The following P2RX7 variants were observed in gnomAD, a reference collection of about 807,000 sequenced individuals.
P2RX7 encodes the protein purinergic receptor P2X 7.
P2RX7 carries 62 observed loss-of-function variants against 71.6 expected under a neutral mutation model. That is an observed-to-expected ratio of 0.87 (90% confidence interval 0.71 to 1.07). The LOEUF is 1.07. P2RX7 is among the 50% of genes least tolerant of loss of function. The probability of loss-of-function intolerance (pLI) is 0.00; values close to 1 mark genes in which losing one functional copy is unlikely to be tolerated. For synonymous variants in P2RX7, 299 were observed against 283.3 expected (o/e 1.06, Z -0.56); for missense variants, 686 against 748.5 (o/e 0.92, Z 0.97).
intron 11 of P2RX7, among the ~76,000 whole-genome samples, chr12:121,179,610 C>T (rs1883781522): frequency 6.6e-6 from 1 of 152,056 alleles, no homozygotes; most frequent in Non-Finnish European, 1.5e-5. Context: ...TATATGCATT[C>T]ACAATTTGAA....
At chr12:121,163,529 G>T (rs1275194948) in intron 5 of P2RX7, among the ~76,000 whole-genome samples, 1 of 152,006 alleles carries the variant, frequency 6.6e-6, no homozygotes, top group Non-Finnish European at 1.5e-5. Context: ...CTGAATTTTT[G>T]AAAGAGATGA....
intron 11 of P2RX7, among the ~76,000 whole-genome samples, chr12:121,178,978 TAC>T (rs142401513): frequency 6.0e-5 from 9 of 150,800 alleles, no homozygotes; most frequent in East Asian, 1.9e-4. Flanking sequence ...TACACAAGTG[TAC>T]ACACACACAC....
At position 121,154,661 on chromosome 12, in the gene P2RX7, C is replaced by T. The variant is rs1187036071; in HGVS notation, c.126-124C>T. On this transcript the variant is annotated intron_variant, in intron 1 of 12. Coordinates refer to ENST00000328963, the MANE Select transcript of P2RX7 (RefSeq NM_002562.6). This position sits in a 1 kb window ranked among gnomAD's most constrained non-coding sequence, Gnocchi z 4.2. ...CATTATCCAGAGAGGGAAAACAAGT[C>T]ACACGGAAGCAAGTCACGCAGCAGA... is the stretch of plus-strand genomic sequence containing the variant. The T allele has an allele frequency of 5.5e-6, 4 of 728,966 alleles. No individual in the cohort carries two copies. The highest frequency in any genetic ancestry group is 1.7e-5 in the African/African-American group (1 of 58,222). The allele number at this position is 728,966 out of a possible 1,614,324, so 45.2% of individuals were successfully genotyped here. A position where few individuals can be genotyped will look rare whatever the true frequency, so the allele number is the denominator to read the frequency against.
chr12:121,186,947 CTG>C lies in P2RX7; in HGVS notation c.*2147_*2148del, dbSNP rs1403000343. 2 of 152,240 alleles carry C rather than the reference CTG, an allele frequency of 1.3e-5. No homozygotes were observed. The highest frequency in any genetic ancestry group is 2.1e-4 in the South Asian group (1 of 4,830). The allele number at this position is 152,240 out of a possible 1,614,324, so 9.4% of individuals were successfully genotyped here. A position where few individuals can be genotyped will look rare whatever the true frequency, so the allele number is the denominator to read the frequency against. ...AAGCTGGCTTTATGCCATTAACACT[CTG>C]TACTTTGCAGCCAATCAGAACTGAC... On this transcript the variant is annotated 3_prime_UTR_variant, in exon 13 of 13. Transcript: ENST00000328963.
chr12:121,135,891 C>T (rs963613477), intron 1 of P2RX7, among the ~76,000 whole-genome samples: 1 of 148,692 alleles, frequency 6.7e-6, no homozygotes, highest in Non-Finnish European at 1.5e-5. Flanking sequence ...GTAATCCCAG[C>T]TACTCGGGAG....
chr12:121,177,281 T>G lies in P2RX7; in HGVS notation c.1039-16T>G. ...AAGGAAGTGACTAACGCAGCGCTTG[T>G]CTGCATTCTCCCCAGGCCGCTGTGT... On this transcript the variant is annotated splice_polypyrimidine_tract_variant and intron_variant, in intron 10 of 12. Coordinates refer to ENST00000328963, the MANE Select transcript of P2RX7 (RefSeq NM_002562.6). 6.2e-7 allele frequency: 1 copy of G among 1,614,138 alleles called. No individual in the cohort carries two copies. Among genetic ancestry groups the G allele is most frequent in the East Asian group, 2.2e-5 (1 of 44,894 alleles).
chr12:121,178,417 T>C (rs1017576894), intron 11 of P2RX7, among the ~76,000 whole-genome samples: 3 of 152,214 alleles, frequency 2.0e-5, no homozygotes, highest in Admixed American at 1.3e-4. Context: ...ATTAACTCAA[T>C]CTTCACAACA....
At chr12:121,170,723 G>A (rs948271091) in intron 8 of P2RX7, among the ~76,000 whole-genome samples, 4 of 152,082 alleles carry the variant, frequency 2.6e-5, no homozygotes, top group East Asian at 3.9e-4. Context: ...GCAGTGAGCC[G>A]GGGTCATGCC....
At chr12:121,172,280 AGAT>A (rs1048658091) in intron 8 of P2RX7, among the ~76,000 whole-genome samples, 47 of 152,320 alleles carry the variant, frequency 3.1e-4, no homozygotes, top group African/African-American at 1.1e-3. Context: ...TCACATAGGG[AGAT>A]AATGCCAATC....
chr12:121,156,765 C>G (rs1878655514), intron 3 of P2RX7, among the ~76,000 whole-genome samples: 1 of 152,192 alleles, frequency 6.6e-6, no homozygotes, highest in African/African-American at 2.4e-5. Context: ...CCATGACTCC[C>G]TGCCACCACC....
chr12:121,153,722 G>A lies in P2RX7; in HGVS notation c.126-1063G>A, dbSNP rs370874276. On this transcript the variant is annotated intron_variant, in intron 1 of 12. Coordinates refer to ENST00000328963, the MANE Select transcript of P2RX7 (RefSeq NM_002562.6). ...AACCCTTTAGGCTGGGTGCGGTGGC[G>A]CATGCCGGTAATCCTGGTAACTATC... is the stretch of plus-strand genomic sequence containing the variant. 9.4e-4 allele frequency among the ~76,000 whole-genome samples: 143 copies of A among 151,946 alleles called. 1 individual carries two copies. The highest frequency in any genetic ancestry group is 3.4e-3 in the African/African-American group (140 of 41,440).
At chr12:121,157,350 C>G (rs1410312147) in intron 3 of P2RX7, among the ~76,000 whole-genome samples, 1 of 152,210 alleles carries the variant, frequency 6.6e-6, no homozygotes, top group Non-Finnish European at 1.5e-5. Flanking sequence ...ACAGTCTTTG[C>G]CATCATTTGT....
intron 1 of P2RX7, among the ~76,000 whole-genome samples, chr12:121,151,502 T>C (rs2136029138): frequency 6.6e-6 from 1 of 152,254 alleles, no homozygotes; most frequent in Non-Finnish European, 1.5e-5. Flanking sequence ...ATTACAGGCA[T>C]GAGCCACCAT....
At chr12:121,182,968 G>C (rs1380479866) in intron 12 of P2RX7, among the ~76,000 whole-genome samples, 1 of 152,046 alleles carries the variant, frequency 6.6e-6, no homozygotes. Flanking sequence ...ACAAGATCAG[G>C]AGATTGAGAC....
rs201776965 is a variant in P2RX7 at position 121,184,657 on chromosome 12, G to A, written c.1643G>A (p.Cys548Tyr). 8.1e-6 allele frequency: 13 copies of A among 1,595,680 alleles called. No individual in the cohort carries two copies. In the South Asian group the frequency reaches 1.4e-4, roughly 17 times the overall value. ...TCCACCAACAGCCGGCTGCGGCACT[G>A]TGCCTACAGGTGCTACGCCACCTGG... The part of the protein sequence containing the change: ...VDSTNSRLRH[C>Y]AYRCYATWRF... The change falls in exon 13 of 13, where the codon TGT becomes TAT. Residue 548 changes from cysteine (C) to tyrosine (Y), a missense_variant. Coordinates refer to ENST00000328963, the MANE Select transcript of P2RX7 (RefSeq NM_002562.6).
In P2RX7 at chr12:121,149,091, C is replaced by G. The variant is rs56122521; in HGVS notation, c.126-5694C>G. The G allele has an allele frequency of 1.7e-6, 1 of 578,732 alleles. No individual in the cohort carries two copies. Among genetic ancestry groups the G allele is most frequent in the Non-Finnish European group, 3.4e-6 (1 of 293,256 alleles). The allele number at this position is 578,732 out of a possible 1,614,324, so 35.8% of individuals were successfully genotyped here. ...GCAATCTAACCATGCTGGCATGGGG[C>G]CCATCCCACCTGTGATGCCAGTGTA... On this transcript the variant is annotated intron_variant, in intron 1 of 12. Coordinates refer to ENST00000328963, the MANE Select transcript of P2RX7 (RefSeq NM_002562.6). The surrounding 1 kb of genome is among the most constrained non-coding windows in gnomAD (Gnocchi z 4.7).
intron 1 of P2RX7, among the ~76,000 whole-genome samples, chr12:121,133,422 G>C (rs1043664248): frequency 4.6e-5 from 7 of 152,258 alleles, no homozygotes; most frequent in African/African-American, 1.7e-4. Context: ...GAGGATCTCA[G>C]GGCACGCCTG....
intron 8 of P2RX7, among the ~76,000 whole-genome samples, chr12:121,168,280 C>CT (rs1555227620): frequency 5.7e-4 from 82 of 143,362 alleles, no homozygotes; most frequent in South Asian, 4.4e-4. Context: ...CTTTTCTTTT[C>CT]TTTTTTTTTT....
At chr12:121,160,322 T>C (rs986879557) in intron 3 of P2RX7, among the ~76,000 whole-genome samples, 1 of 152,124 alleles carries the variant, frequency 6.6e-6, no homozygotes, top group African/African-American at 2.4e-5. Flanking sequence ...AATTTTTGTA[T>C]TTTTAGTAGA....
Sources: allele counts gnomAD v4.1 joint callset (sites outside exome capture counted in the v4.1 genomes callset), GRCh38; gene constraint gnomAD v4.1.1; non-coding constraint Gnocchi (gnomAD v3.1); transcripts MANE v1.5; gene names NCBI Gene and HGNC (gene_info 2026-07-23, HGNC 2026-07-21).